NCALD: variants seen among roughly 807,000 people sequenced by gnomAD.
The protein encoded by NCALD is neurocalcin delta, also known as neurocalcin-delta.
NCALD carries 10 observed loss-of-function variants against 18.6 expected under a neutral mutation model. That is an observed-to-expected ratio of 0.54 (90% confidence interval 0.33 to 0.91). NCALD has a LOEUF of 0.91. NCALD is among the 40% of genes least tolerant of loss of function. NCALD has a pLI of 0.03. For synonymous variants in NCALD, 88 were observed against 87.4 expected, an observed-to-expected ratio of 1.01 and a Z score of -0.04; for missense variants, 184 against 247.6, an observed-to-expected ratio of 0.74 and a Z score of 1.72.
chr8:101,776,996 A>G (rs970320730), intron 1 of NCALD, among the ~76,000 whole-genome samples: 12 of 152,160 alleles, frequency 7.9e-5, no homozygotes, highest in African/African-American at 2.9e-4. Context: ...TTAATAATCA[A>G]CAGCCCTTTG....
At chr8:102,060,918 G>T (rs193272980) in intron 1 of NCALD, among the ~76,000 whole-genome samples, 2 of 152,210 alleles carry the variant, frequency 1.3e-5, no homozygotes, top group East Asian at 3.9e-4. Flanking sequence ...TCTCTGCATG[G>T]CTTGGCAGCA....
At chr8:102,015,548 C>T (rs1047193903) in intron 2 of NCALD, among the ~76,000 whole-genome samples, 1 of 152,128 alleles carries the variant, frequency 6.6e-6, no homozygotes, top group East Asian at 1.9e-4. Context: ...AGTTGCAACA[C>T]AGTTCTACAT....
chr8:102,042,374 C>T (rs932903837), intron 1 of NCALD, among the ~76,000 whole-genome samples: 3 of 151,904 alleles, frequency 2.0e-5, no homozygotes, highest in African/African-American at 4.9e-5. Flanking sequence ...CACTTCAAGC[C>T]AGGTGAAGGG....
intron 3 of NCALD, among the ~76,000 whole-genome samples, chr8:101,892,479 G>C (rs1481815957): frequency 6.7e-6 from 1 of 149,520 alleles, no homozygotes; most frequent in African/African-American, 2.6e-5. Flanking sequence ...AAGGAACGCA[G>C]TTCCTCACCA....
intron 1 of NCALD, among the ~76,000 whole-genome samples, chr8:101,734,223 C>G (rs1029441581): frequency 4.6e-5 from 7 of 152,186 alleles, no homozygotes; most frequent in Non-Finnish European, 1.0e-4. Context: ...TCCTTTCCAA[C>G]TCAACCTCTC....
At chr8:102,003,568 A>G (rs113434555) in intron 2 of NCALD, among the ~76,000 whole-genome samples, 1 of 152,190 alleles carries the variant, frequency 6.6e-6, no homozygotes, top group East Asian at 1.9e-4. Context: ...CCTGGCAGAG[A>G]CACAACAAAA....
At chr8:101,793,478 C>T (rs1812525133), upstream of NCALD, among the ~76,000 whole-genome samples, 1 of 152,128 alleles carries the variant, frequency 6.6e-6, no homozygotes, top group Non-Finnish European at 1.5e-5. Flanking sequence ...CCTACCTACT[C>T]ATTTTCCTTT....
chr8:101,736,449 C>T (rs1012820925), intron 1 of NCALD, among the ~76,000 whole-genome samples: 12 of 152,144 alleles, frequency 7.9e-5, no homozygotes, highest in Non-Finnish European at 4.4e-5. Flanking sequence ...AATTACACTG[C>T]TAAAAAGTAT....
chr8:102,006,817 T>C (rs1470395286), intron 2 of NCALD, among the ~76,000 whole-genome samples: 1 of 152,258 alleles, frequency 6.6e-6, no homozygotes, highest in Admixed American at 6.5e-5. Flanking sequence ...CGTTTATTTC[T>C]GTCTACACTT....
chr8:101,705,685 G>T (rs904903846), intron 2 of NCALD, among the ~76,000 whole-genome samples: 2 of 152,154 alleles, frequency 1.3e-5, no homozygotes, highest in Non-Finnish European at 2.9e-5. Context: ...CTTGGGACCT[G>T]CAGTTTTTAA....
intron 4 of NCALD, among the ~76,000 whole-genome samples, chr8:101,858,206 G>C (rs1257256022): frequency 6.6e-6 from 1 of 152,138 alleles, no homozygotes; most frequent in African/African-American, 2.4e-5. Context: ...CATGAGAAGA[G>C]AGATATCAAC....
intron 4 of NCALD, among the ~76,000 whole-genome samples, chr8:101,860,710 G>A (rs1682783045): frequency 6.6e-6 from 1 of 152,144 alleles, no homozygotes; most frequent in South Asian, 2.1e-4. Flanking sequence ...GAAGATGGGA[G>A]TAAGAGAAGG....
At chr8:101,700,914 G>A (rs762545250) in intron 2 of NCALD, among the ~76,000 whole-genome samples, 35 of 152,220 alleles carry the variant, frequency 2.3e-4, no homozygotes, top group Non-Finnish European at 4.0e-4. Context: ...GAGGCACCAC[G>A]TCTGAGTGTG....
At chr8:101,955,803 T>G (rs1819601287) in intron 2 of NCALD, among the ~76,000 whole-genome samples, 1 of 152,088 alleles carries the variant, frequency 6.6e-6, no homozygotes, top group South Asian at 2.1e-4. Context: ...TTGACAAAAT[T>G]TATATATAGA....
In NCALD at chr8:101,895,729, G is replaced by C. The variant is rs1024094817; in HGVS notation, c.-106-8502C>G. Among the ~76,000 whole-genome samples, 39 of 148,642 alleles carry C rather than the reference G, an allele frequency of 2.6e-4. 1 individual carries two copies. The highest frequency in any genetic ancestry group is 8.3e-4 in the African/African-American group (32 of 38,544). On this transcript the variant is annotated intron_variant, in intron 3 of 6. Coordinates refer to the NCALD transcript ENST00000311028. ...TTCTTATACACCAACAACAGACAAA[G>C]AGAGAGCCAAATCATGAGTGAACTC...
In NCALD at chr8:101,720,083, G is replaced by C. The variant is rs193169835; in HGVS notation, c.-19-435C>G. On this transcript the variant is annotated intron_variant, in intron 1 of 3. Transcript: ENST00000220931. Reference sequence around the variant, plus strand: ...GGAAAATTAAAGGAAAGGAGGAAGAGAGAGACCAAGGGAAAGAATTTAGCA... The same window carrying C: ...GGAAAATTAAAGGAAAGGAGGAAGACAGAGACCAAGGGAAAGAATTTAGCA... Among the ~76,000 whole-genome samples the C allele has an allele frequency of 5.9e-5, 9 of 152,292 alleles. No homozygotes were observed. In the East Asian group the frequency reaches 1.5e-3, roughly 26 times the overall value.
chr8:102,035,749 T>A (rs1181137370), intron 1 of NCALD, among the ~76,000 whole-genome samples: 1 of 152,132 alleles, frequency 6.6e-6, no homozygotes, highest in Non-Finnish European at 1.5e-5. Flanking sequence ...ATTGCAAAGA[T>A]AAAAATTTTC....
chr8:101,870,737 T>C (rs1398518624), intron 4 of NCALD, among the ~76,000 whole-genome samples: 1 of 152,150 alleles, frequency 6.6e-6, no homozygotes, highest in Non-Finnish European at 1.5e-5. Flanking sequence ...TTTGTTTTAC[T>C]GGGGGCAAAG....
intron 1 of NCALD, among the ~76,000 whole-genome samples, chr8:102,026,188 T>C (rs1017438538): frequency 3.3e-5 from 5 of 152,102 alleles, no homozygotes; most frequent in Non-Finnish European, 7.4e-5. Flanking sequence ...TTCCCAAATC[T>C]CATGTCCTCA....
Sources: gnomAD v4.1 joint callset for allele counts (sites outside exome capture counted in the v4.1 genomes callset) on GRCh38, gnomAD v4.1.1 for gene constraint, MANE v1.5 for transcripts, NCBI Gene and HGNC (gene_info 2026-07-23, HGNC 2026-07-21) for gene names.